Variants in EP400 observed in about 807,000 individuals in gnomAD.
EP400 encodes the protein E1A-binding protein p400.
EP400 carries 105 observed loss-of-function variants against 354.1 expected under a neutral mutation model. That is an observed-to-expected ratio of 0.30 (90% CI 0.25 to 0.35). The LOEUF (loss-of-function observed/expected upper bound fraction) is 0.35, where lower values mean the gene tolerates loss of function less well. Among genes scored for constraint, EP400 ranks in the 10% least tolerant of loss-of-function variants. The pLI, the probability that EP400 is intolerant of heterozygous loss-of-function variation, is 1.00. For missense variants in EP400, 3,280 were observed against 4,121.0 expected, an observed-to-expected ratio of 0.80 and a Z score of 5.59; for synonymous variants, 1,646 against 1,716.9, an observed-to-expected ratio of 0.96 and a Z score of 1.02.
chr12:131,990,246 T>C lies in EP400; in HGVS notation c.2550+142T>C. 1 of 1,004,822 alleles carries C rather than the reference T, an allele frequency of 1.0e-6. No homozygotes were observed. The highest frequency in any genetic ancestry group is 1.4e-6 in the Non-Finnish European group (1 of 693,366). 62.2% of individuals were successfully genotyped at this position (1,004,822 alleles called of 1,614,324 possible). A position where few individuals can be genotyped will look rare whatever the true frequency, so the allele number is the denominator to read the frequency against. On this transcript the variant is annotated intron_variant, in intron 8 of 52. Transcript: ENST00000389561. The surrounding 1 kb of genome is among the most constrained non-coding windows in gnomAD (Gnocchi z 4.2). ...GCAACGTGTGCACTCTCCTGGGCTG[T>C]TGCTTGTTGGCCTTTGAATGAGCTG... is the stretch of plus-strand genomic sequence containing the variant.
chr12:131,950,542 G>C (rs907839316), intron 1 of EP400, among the ~76,000 whole-genome samples: 9 of 152,144 alleles, frequency 5.9e-5, no homozygotes, highest in African/African-American at 2.2e-4. Flanking sequence ...AGGACCCCGC[G>C]TCCCGGGCGT....
intron 38 of EP400, 23 bp downstream of exon 38, chr12:132,045,583 C>G (rs1467396565): frequency 1.9e-6 from 3 of 1,612,330 alleles, no homozygotes; most frequent in Middle Eastern, 1.7e-4. Flanking sequence ...GGTCTTTGTG[C>G]CAGCGGTCAT....
chr12:131,979,309 C>T (rs930958952), intron 2 of EP400, among the ~76,000 whole-genome samples: 4 of 151,294 alleles, frequency 2.6e-5, no homozygotes, highest in African/African-American at 7.3e-5. Context: ...TTTTATTATT[C>T]GGTGTTTTTG....
intron 2 of EP400, among the ~76,000 whole-genome samples, chr12:131,976,667 A>G (rs1223704180): frequency 6.6e-6 from 1 of 152,144 alleles, no homozygotes; most frequent in Non-Finnish European, 1.5e-5. Flanking sequence ...GCGAGATCGT[A>G]CCATTGCACT....
chr12:132,028,731 C>T (rs1894388732), intron 27 of EP400, among the ~76,000 whole-genome samples: 1 of 152,316 alleles, frequency 6.6e-6, no homozygotes, highest in Admixed American at 6.5e-5. Context: ...ACGGTGGGCA[C>T]CCGGCCGCTC....
chr12:131,991,281 C>A, intron 9 of EP400, 126 bp from the exon 10 acceptor site: 1 of 853,612 alleles, frequency 1.2e-6, no homozygotes, highest in Non-Finnish European at 2.0e-6. Flanking sequence ...GATGAGGAGG[C>A]AGAACTCACG....
At position 132,027,976 on chromosome 12, in the gene EP400, C is replaced by T; in HGVS notation, c.5110-41C>T. Reference sequence around the variant, plus strand: ...TTGGTGAAGACAGGAACTTGTCATTCTGTTTCTCAAGTAACTGTTTTTCAT... The same window carrying T: ...TTGGTGAAGACAGGAACTTGTCATTTTGTTTCTCAAGTAACTGTTTTTCAT... On this transcript the variant is annotated intron_variant, in intron 26 of 52. Transcript: ENST00000389561. The surrounding 1 kb of genome is among the most constrained non-coding windows in gnomAD (Gnocchi z 4.9). 6.3e-7 allele frequency: 1 copy of T among 1,595,724 alleles called. No individual in the cohort carries two copies. Among genetic ancestry groups the T allele is most frequent in the Non-Finnish European group, 8.6e-7 (1 of 1,167,470 alleles).
At chr12:131,988,008 T>TCC (rs1267984448) in intron 7 of EP400, 118 bp downstream of exon 7, 23 of 733,084 alleles carry the variant, frequency 3.1e-5, no homozygotes, top group African/African-American at 6.8e-5. Flanking sequence ...TTTTTTTTTT[T>TCC]CCCCCAGACA....
intron 2 of EP400, among the ~76,000 whole-genome samples, chr12:131,973,475 C>CTACCAAAAA (rs1159090515): frequency 3.3e-5 from 5 of 152,202 alleles, no homozygotes; most frequent in Non-Finnish European, 7.3e-5. Context: ...AACCCCATCT[C>CTACCAAAAA]TACCAAAAAT....
At position 131,990,748 on chromosome 12, in the gene EP400, G is replaced by A; in HGVS notation, c.2629+34G>A. ...CTTTAAAAAAAGGCTCACCACGCTT[G>A]GGTGGTATTTTGTTCGGATTCTTTT... On this transcript the variant is annotated intron_variant, in intron 9 of 52. Transcript: ENST00000389561. This position sits in a 1 kb window ranked among gnomAD's most constrained non-coding sequence, Gnocchi z 4.2. 1.3e-6 allele frequency: 2 copies of A among 1,511,896 alleles called. No homozygotes were observed. The highest frequency in any genetic ancestry group is 1.8e-6 in the Non-Finnish European group (2 of 1,099,176). 93.7% of individuals were successfully genotyped at this position (1,511,896 alleles called of 1,614,324 possible). A position where few individuals can be genotyped will look rare whatever the true frequency, so the allele number is the denominator to read the frequency against.
intron 30 of EP400, 111 bp from the exon 31 acceptor site, chr12:132,037,571 G>A (rs965005531): frequency 4.9e-6 from 4 of 818,142 alleles, no homozygotes; most frequent in South Asian, 1.6e-5. Context: ...CTGAGCAGGG[G>A]TAGCTGGAGG....
chr12:131,982,540 GT>G, intron 5 of EP400, 62 bp downstream of exon 5: 8 of 1,527,568 alleles, frequency 5.2e-6, no homozygotes, highest in Non-Finnish European at 7.0e-6. Context: ...CTACCTGTGT[GT>G]TAGACAGAGT....
chr12:131,952,595 G>A (rs1593304641), intron 1 of EP400, among the ~76,000 whole-genome samples: 1 of 152,202 alleles, frequency 6.6e-6, no homozygotes, highest in East Asian at 1.9e-4. Context: ...TGGGACTATA[G>A]GTGTGTGGCA....
In EP400 at chr12:132,005,988, A is replaced by G. The variant is rs780276226; in HGVS notation, c.2936-124A>G. 95 of 893,608 alleles carry G rather than the reference A, an allele frequency of 1.1e-4. 1 individual carries two copies. The highest frequency in any genetic ancestry group is 4.6e-5 in the Non-Finnish European group (28 of 602,296). 55.4% of individuals were successfully genotyped at this position (893,608 alleles called of 1,614,324 possible). A position where few individuals can be genotyped will look rare whatever the true frequency, so the allele number is the denominator to read the frequency against. ...AGATATTTTGGATTACAAATAAAAA[A>G]TTATTGCCTAATTCAGTATTTAAAG... On this transcript the variant is annotated intron_variant, in intron 13 of 52. Transcript: ENST00000389561.
At chr12:132,039,521 G>A (rs61944614) in intron 32 of EP400, among the ~76,000 whole-genome samples, 7 of 152,122 alleles carry the variant, frequency 4.6e-5, no homozygotes, top group South Asian at 2.1e-4. Flanking sequence ...GGATCCACCC[G>A]TGACCCAAAC....
rs112507756 is a variant in EP400 at position 132,071,921 on chromosome 12, C to T, written c.9021+2280C>T. ...CAAGCCCCATGAGTACAGGTGTGTC[C>T]GAGGGCTGTTAGTACAGTGGACAGA... On this transcript the variant is annotated intron_variant, in intron 51 of 52. Transcript: ENST00000389561. Among the ~76,000 whole-genome samples, 1,425 of 152,168 alleles carry T rather than the reference C, an allele frequency of 9.4e-3. 19 individuals carry two copies. The highest frequency in any genetic ancestry group is 0.032 in the African/African-American group (1,335 of 41,444).
chr12:131,968,611 C>T (rs1448496030), intron 2 of EP400, among the ~76,000 whole-genome samples: 3 of 152,148 alleles, frequency 2.0e-5, no homozygotes, highest in Non-Finnish European at 4.4e-5. Context: ...TACAAAACAT[C>T]TTGCTGGGAT....
chr12:132,063,080 G>A (rs1895761336), intron 47 of EP400, among the ~76,000 whole-genome samples: 1 of 152,182 alleles, frequency 6.6e-6, no homozygotes, highest in African/African-American at 2.4e-5. Context: ...GAGAGCAGGC[G>A]ATGGACCCTG....
In EP400 at chr12:132,062,091, C is replaced by T; in HGVS notation, c.7885-19C>T. On this transcript the variant is annotated intron_variant, in intron 45 of 52. Coordinates refer to ENST00000389561, the MANE Select transcript of EP400 (RefSeq NM_015409.5). ...GCTGTGTGAAATATTTGATGAGGTC[C>T]TCTGTTTGCCTTTTCTAGACGCCGG... 6.2e-7 allele frequency: 1 copy of T among 1,605,754 alleles called. No individual in the cohort carries two copies. The highest frequency in any genetic ancestry group is 2.2e-5 in the East Asian group (1 of 44,804).
Sources: allele counts gnomAD v4.1 joint callset (sites outside exome capture counted in the v4.1 genomes callset), GRCh38; gene constraint gnomAD v4.1.1; non-coding constraint Gnocchi (gnomAD v3.1); transcripts MANE v1.5; gene names NCBI Gene and HGNC (gene_info 2026-07-23, HGNC 2026-07-21).